The following GEMIN4 variants were observed in gnomAD, a reference collection of about 807,000 sequenced individuals.
The protein encoded by GEMIN4 is gem nuclear organelle associated protein 4.
In GEMIN4, 59 loss-of-function variants were observed where a neutral mutation model predicts 76.8. That is an observed-to-expected ratio of 0.77 (90% CI 0.62 to 0.95). GEMIN4 has a LOEUF of 0.95. Among genes scored for constraint, GEMIN4 ranks in the 40% least tolerant of loss-of-function variants. The pLI, the probability that GEMIN4 is intolerant of heterozygous loss-of-function variation, is 0.00. For missense variants in GEMIN4, 1,311 were observed against 1,318.9 expected (o/e 0.99, Z 0.09); for synonymous variants, 562 against 559.7 (o/e 1.00, Z -0.06).
At chr17:750,578 G>T (rs2291778) in intron 1 of GEMIN4, among the ~76,000 whole-genome samples, 15,857 of 152,148 alleles carry the variant, frequency 0.1, 1,003 homozygotes, top group East Asian at 0.23. Flanking sequence ...TAAAACGAGG[G>T]TGCAAACACT....
Position 746,120 on chromosome 17 carries a change from T to C in GEMIN4, c.1923A>G (p.Pro641=), listed in dbSNP as rs1172504853. ...CGTCTGGCTCAAGAAGAGCAGCCAC[T>C]GGAATCCCTTGGGGTTTCACGGGAC... ...LMSPVKPQGI[P]VAALLEPDEV... is the part of the protein sequence containing the mutation. The change falls in exon 2 of 2, where the codon CCA becomes CCG. Residue 641 remains proline, a synonymous_variant. Coordinates refer to ENST00000319004, the MANE Select transcript of GEMIN4 (RefSeq NM_015721.3). The surrounding 1 kb of genome is among the most constrained non-coding windows in gnomAD (Gnocchi z 4.3). 2 of 1,613,838 alleles carry C rather than the reference T, an allele frequency of 1.2e-6. No individual in the cohort carries two copies.
Position 746,637 on chromosome 17 carries a change from C to G in GEMIN4, c.1406G>C (p.Arg469Thr), listed in dbSNP as rs1365894885. 1.9e-6 allele frequency: 3 copies of G among 1,613,620 alleles called. No individual in the cohort carries two copies. Among genetic ancestry groups the G allele is most frequent in the Admixed American group, 1.7e-5 (1 of 60,024 alleles). ...CCGGATCTGAGACTCAGGGATGGCT[C>G]TGTCAGCTGTGCTGACGTCTATCAC... ...ETVIDVSTAD[R>T]AIPESQIRQV... The change falls in exon 2 of 2, where the codon AGA becomes ACA. Residue 469 changes from arginine (R) to threonine (T), a missense_variant. Physicochemically the swap from Arg to Thr is moderately conservative, Grantham distance 71. Around this residue, in one of 2 missense-constraint regions of GEMIN4, gnomAD observed 1,208 missense variants for 1,166.9 expected, o/e 1.04. Transcript: ENST00000319004. This position sits in a 1 kb window ranked among gnomAD's most constrained non-coding sequence, Gnocchi z 4.3.
chr17:744,950 C>T lies in GEMIN4; in HGVS notation c.3093G>A (p.Glu1031=), dbSNP rs1453409742. ...SVSSLLQRAH[E]QRFLKSIAEG... ...CAGCAATGGACTTTAAGAAGCGCTG[C>T]TCGTGTGCCCTCTGGAGCAAGGAGC... The change falls in exon 2 of 2, where the codon GAG becomes GAA. Residue 1031 remains glutamate (E), a synonymous_variant. Transcript: ENST00000319004. The T allele has an allele frequency of 2.5e-6, 4 of 1,613,820 alleles. No individual in the cohort carries two copies. The African/African-American group carries it at 5.3e-5, about 22-fold the overall frequency.
rs369253676 is a variant in GEMIN4 at position 747,391 on chromosome 17, T to C, written c.652A>G (p.Met218Val). ...DACPTMPLLA[M>V]LLRGLTQIQS... ...ATCTGTGTCAGCCCGCGGAGCAGCA[T>C]GGCCAACAGGGGCATGGTGGGGCAC... is the stretch of plus-strand genomic sequence containing the variant. Residue 218 changes from methionine (M) to valine (V), a missense_variant, in exon 2 of 2, where the codon ATG becomes GTG. Met to Val is a conservative substitution (Grantham distance 21). Around this residue, in one of 2 missense-constraint regions of GEMIN4, gnomAD observed 1,208 missense variants for 1,166.9 expected, o/e 1.04. Transcript: ENST00000319004. 83 of 1,613,672 alleles carry C rather than the reference T, an allele frequency of 5.1e-5. 1 individual carries two copies. In the South Asian group the frequency reaches 8.1e-4, roughly 16 times the overall value.
At chr17:752,327 C>A, upstream of GEMIN4, 1 of 1,214,706 alleles carries the variant, frequency 8.2e-7, no homozygotes, top group Non-Finnish European at 1.0e-6. Flanking sequence ...CACGAACGAG[C>A]GCGCCAAGCG....
At position 747,256 on chromosome 17, in the gene GEMIN4, T is replaced by G. The variant is rs748632104; in HGVS notation, c.787A>C (p.Thr263Pro). The change falls in exon 2 of 2, where the codon ACC becomes CCC. Residue 263 changes from threonine to proline, a missense_variant. By Grantham distance (38) the Thr-to-Pro change is conservative (BLOSUM62 -1). This residue lies in a region of GEMIN4 where 1,208 missense variants were observed against 1,166.9 expected (regional missense o/e 1.04). Coordinates refer to ENST00000319004, the MANE Select transcript of GEMIN4 (RefSeq NM_015721.3). ...TEDDPQEVSA[T>P]VYLDKLATVI... Reference sequence around the variant, plus strand: ...GTGGCCAGTTTGTCCAGATACACGGTTGCAGACACCTCCTGGGGGTCGTCC... The same window carrying G: ...GTGGCCAGTTTGTCCAGATACACGGGTGCAGACACCTCCTGGGGGTCGTCC... The G allele has an allele frequency of 6.2e-7, 1 of 1,613,656 alleles. No homozygotes were observed. Among genetic ancestry groups the G allele is most frequent in the Non-Finnish European group, 8.5e-7 (1 of 1,179,878 alleles).
At position 745,223 on chromosome 17, in the gene GEMIN4, G is replaced by T; in HGVS notation, c.2820C>A (p.Val940=). 6.2e-7 allele frequency: 1 copy of T among 1,609,204 alleles called. No homozygotes were observed. The highest frequency in any genetic ancestry group is 1.1e-5 in the South Asian group (1 of 90,384). ...WLPLEGWNHV[V]KLLCGSLTRL... The stretch of plus-strand genomic sequence containing the variant: ...GGGTCAGACTGCCACAGAGGAGTTT[G>T]ACCACGTGGTTCCAGCCTTCCAGAG... The change falls in exon 2 of 2, where the codon GTC becomes GTA. Residue 940 remains valine, a synonymous_variant. Coordinates refer to ENST00000319004, the MANE Select transcript of GEMIN4 (RefSeq NM_015721.3). This position sits in a 1 kb window ranked among gnomAD's most constrained non-coding sequence, Gnocchi z 4.6.
intron 1 of GEMIN4, chr17:748,802 CA>C: frequency 5.8e-6 from 1 of 172,766 alleles, no homozygotes; most frequent in Non-Finnish European, 1.1e-5. Flanking sequence ...ATGGGCACAG[CA>C]GCAATCACAC....
At chr17:749,850 G>T in intron 1 of GEMIN4, 1 of 994,606 alleles carries the variant, frequency 1.0e-6, no homozygotes, top group Non-Finnish European at 1.2e-6. Context: ...CTAGCTTTCA[G>T]GGAAACGGTC....
At position 745,898 on chromosome 17, in the gene GEMIN4, G is replaced by T; in HGVS notation, c.2145C>A (p.Pro715=). The change falls in exon 2 of 2, where the codon CCC becomes CCA. Residue 715 remains proline (P), a synonymous_variant. Coordinates refer to ENST00000319004, the MANE Select transcript of GEMIN4 (RefSeq NM_015721.3). This position sits in a 1 kb window ranked among gnomAD's most constrained non-coding sequence, Gnocchi z 4.6. ...LDRFSKYWQL[P]KEKRCLSLDR... ...CCAAAGAGAGGCACCGCTTCTCCTT[G>T]GGAAGCTGCCAGTATTTGCTGAAGC... 6.2e-7 allele frequency: 1 copy of T among 1,613,018 alleles called. No homozygotes were observed. The highest frequency in any genetic ancestry group is 8.5e-7 in the Non-Finnish European group (1 of 1,179,870).
rs771444893 is a variant in GEMIN4, at chr17:746,619, T to C, written c.1424A>G (p.Gln475Arg). ...GATCAGGTGGATCACCTGCCGGATC[T>C]GAGACTCAGGGATGGCTCTGTCAGC... ...STADRAIPES[Q>R]IRQVIHLILE... Residue 475 changes from glutamine (Q) to arginine (R), a missense_variant, in exon 2 of 2, where the codon CAG becomes CGG. Around this residue, in one of 2 missense-constraint regions of GEMIN4, gnomAD observed 1,208 missense variants for 1,166.9 expected, o/e 1.04. Coordinates refer to ENST00000319004, the MANE Select transcript of GEMIN4 (RefSeq NM_015721.3). The surrounding 1 kb of genome is among the most constrained non-coding windows in gnomAD (Gnocchi z 4.3). The C allele has an allele frequency of 6.2e-7, 1 of 1,613,662 alleles. No homozygotes were observed. Among genetic ancestry groups the C allele is most frequent in the East Asian group, 2.2e-5 (1 of 44,878 alleles).
At position 745,898 on chromosome 17, in the gene GEMIN4, G is replaced by A; in HGVS notation, c.2145C>T (p.Pro715=). The change falls in exon 2 of 2, where the codon CCC becomes CCT. Residue 715 remains proline (P), a synonymous_variant. Coordinates refer to ENST00000319004, the MANE Select transcript of GEMIN4 (RefSeq NM_015721.3). This position sits in a 1 kb window ranked among gnomAD's most constrained non-coding sequence, Gnocchi z 4.6. ...LDRFSKYWQL[P]KEKRCLSLDR... Reference sequence around the variant, plus strand: ...CCAAAGAGAGGCACCGCTTCTCCTTGGGAAGCTGCCAGTATTTGCTGAAGC... The same window carrying A: ...CCAAAGAGAGGCACCGCTTCTCCTTAGGAAGCTGCCAGTATTTGCTGAAGC... The A allele has an allele frequency of 6.2e-7, 1 of 1,613,018 alleles. No homozygotes were observed. Among genetic ancestry groups the A allele is most frequent in the East Asian group, 2.2e-5 (1 of 44,872 alleles).
rs1459982637 is a variant in GEMIN4, at chr17:746,625, T to C, written c.1418A>G (p.Glu473Gly). 6.2e-7 allele frequency: 1 copy of C among 1,613,528 alleles called. No individual in the cohort carries two copies. The highest frequency in any genetic ancestry group is 2.2e-5 in the East Asian group (1 of 44,896). Residue 473 changes from glutamate (E) to glycine (G), a missense_variant, in exon 2 of 2, where the codon GAG (glutamate) becomes GGG (glycine). Physicochemically the swap from Glu to Gly is moderately conservative, Grantham distance 98. Around this residue, in one of 2 missense-constraint regions of GEMIN4, gnomAD observed 1,208 missense variants for 1,166.9 expected, o/e 1.04. Coordinates refer to ENST00000319004, the MANE Select transcript of GEMIN4 (RefSeq NM_015721.3). The surrounding 1 kb of genome is among the most constrained non-coding windows in gnomAD (Gnocchi z 4.3). ...GTGGATCACCTGCCGGATCTGAGAC[T>C]CAGGGATGGCTCTGTCAGCTGTGCT... ...DVSTADRAIP[E>G]SQIRQVIHLI... is the part of the protein sequence containing the mutation.
At position 746,688 on chromosome 17, in the gene GEMIN4, T is replaced by C. The variant is rs1974431006; in HGVS notation, c.1355A>G (p.Asp452Gly). The C allele has an allele frequency of 1.2e-6, 2 of 1,613,394 alleles. No homozygotes were observed. Among genetic ancestry groups the C allele is most frequent in the African/African-American group, 2.7e-5 (2 of 74,888 alleles). The change falls in exon 2 of 2, where the codon GAC (aspartate) becomes GGC (glycine). Residue 452 changes from aspartate to glycine, a missense_variant. By Grantham distance (94) the Asp-to-Gly change is moderately conservative. This residue lies in a region of GEMIN4 where 1,208 missense variants were observed against 1,166.9 expected (regional missense o/e 1.04). Transcript: ENST00000319004. This position sits in a 1 kb window ranked among gnomAD's most constrained non-coding sequence, Gnocchi z 4.3. ...GSNRALFRQP[D>G]LVLRLLETVI... is the part of the protein sequence containing the mutation. ...TGTTTCCAGCAGCCTCAACACCAAG[T>C]CTGGCTGTCGGAAGAGGGCCCTGTT...
Position 746,372 on chromosome 17 carries a change from C to T in GEMIN4, c.1671G>A (p.Pro557=), listed in dbSNP as rs372759771. The part of the protein sequence containing the change: ...ASVARLVIVH[P]EVTVKKMCSL... Reference sequence around the variant, plus strand: ...TGCACATTTTCTTCACCGTGACTTCCGGGTGCACTATGACCAGGCGGGCCA... The same window carrying T: ...TGCACATTTTCTTCACCGTGACTTCTGGGTGCACTATGACCAGGCGGGCCA... Residue 557 remains proline, a synonymous_variant, in exon 2 of 2, where the codon CCG becomes CCA. Transcript: ENST00000319004. The surrounding 1 kb of genome is among the most constrained non-coding windows in gnomAD (Gnocchi z 4.3). 64 of 1,613,706 alleles carry T rather than the reference C, an allele frequency of 4.0e-5. No homozygotes were observed. The African/African-American group carries it at 4.8e-4, about 12-fold the overall frequency.
In GEMIN4 at chr17:748,051, A is replaced by T. The variant is rs1904370130; in HGVS notation, c.11-19T>A. ...AAGGGTCCTGCACACAGACAAGCCA[A>T]ATAAGACAGTATAGTGAAAATGTTT... On this transcript the variant is annotated intron_variant, in intron 1 of 1. Coordinates refer to ENST00000319004, the MANE Select transcript of GEMIN4 (RefSeq NM_015721.3). The T allele has an allele frequency of 2.6e-6, 4 of 1,568,196 alleles. No homozygotes were observed. The South Asian group carries it at 4.7e-5, about 19-fold the overall frequency.
upstream of GEMIN4, chr17:752,383 C>G (rs974996695): frequency 7.6e-6 from 7 of 915,398 alleles, 1 homozygote; most frequent in Non-Finnish European, 1.0e-5. Flanking sequence ...CCCTCAGGTA[C>G]CCGGACGTCG....
rs1168318263 is a variant in GEMIN4, at chr17:752,174, C to T, written c.-32G>A. ...GACGCCGGCGGCTGCGCGGGGCTAA[C>T]GCCCCCTCCCCTCCGAGAACTCGAA... On this transcript the variant is annotated 5_prime_UTR_variant, in exon 1 of 2. Transcript: ENST00000319004. The T allele has an allele frequency of 8.1e-7, 1 of 1,232,370 alleles. No individual in the cohort carries two copies. Among genetic ancestry groups the T allele is most frequent in the South Asian group, 4.1e-5 (1 of 24,486 alleles). 76.3% of individuals were successfully genotyped at this position (1,232,370 alleles called of 1,614,324 possible).
In GEMIN4 at chr17:746,704, G is replaced by A. The variant is rs1182469106; in HGVS notation, c.1339C>T (p.Leu447Phe). The change falls in exon 2 of 2, where the codon CTC (leucine) becomes TTC (phenylalanine). Residue 447 changes from leucine to phenylalanine, a missense_variant. By Grantham distance (22) the Leu-to-Phe change is conservative. This residue lies in a region of GEMIN4 where 1,208 missense variants were observed against 1,166.9 expected (regional missense o/e 1.04). Coordinates refer to ENST00000319004, the MANE Select transcript of GEMIN4 (RefSeq NM_015721.3). This position sits in a 1 kb window ranked among gnomAD's most constrained non-coding sequence, Gnocchi z 4.3. The stretch of plus-strand genomic sequence containing the variant: ...AACACCAAGTCTGGCTGTCGGAAGA[G>A]GGCCCTGTTACTCCCCAGGCAGGCT... ...WVACLGSNRA[L>F]FRQPDLVLRL... The A allele has an allele frequency of 6.2e-7, 1 of 1,613,482 alleles. No homozygotes were observed. The highest frequency in any genetic ancestry group is 8.5e-7 in the Non-Finnish European group (1 of 1,179,894).
Sources: allele counts gnomAD v4.1 joint callset (sites outside exome capture counted in the v4.1 genomes callset), GRCh38; gene constraint gnomAD v4.1.1; regional missense constraint gnomAD v4.1.1; non-coding constraint Gnocchi (gnomAD v3.1); transcripts MANE v1.5; gene names NCBI Gene and HGNC (gene_info 2026-07-23, HGNC 2026-07-21).